HDAC9: variants seen among roughly 807,000 people sequenced by gnomAD.
HDAC9 encodes the protein MEF-2 interacting transcription repressor (MITR) protein.
In HDAC9, 41 loss-of-function variants were observed where a neutral mutation model predicts 139.4. The ratio of observed to expected loss-of-function variants is 0.29; its 90% CI spans 0.23 to 0.38. HDAC9 has a LOEUF of 0.38. Among genes scored for constraint, HDAC9 ranks in the 10% least tolerant of loss-of-function variants. HDAC9 has a pLI of 1.00. For missense variants in HDAC9, 1,147 were observed against 1,297.0 expected (o/e 0.88, Z 1.78); for synonymous variants, 517 against 476.2 (o/e 1.09, Z -1.12).
chr7:18,860,222 T>C (rs963984690), intron 21 of HDAC9, among the ~76,000 whole-genome samples: 2 of 152,156 alleles, frequency 1.3e-5, no homozygotes, highest in East Asian at 1.9e-4. Flanking sequence ...ATTGTCCCTC[T>C]GGAGGGGAAA....
At chr7:18,663,277 G>T (rs571214828) in intron 11 of HDAC9, among the ~76,000 whole-genome samples, 16 of 152,176 alleles carry the variant, frequency 1.1e-4, no homozygotes, top group African/African-American at 3.6e-4. Context: ...ACCATTGGAG[G>T]TTAGGAGGTT....
chr7:18,514,441 A>G (rs1182597423), intron 2 of HDAC9, among the ~76,000 whole-genome samples: 1 of 152,222 alleles, frequency 6.6e-6, no homozygotes, highest in African/African-American at 2.4e-5. Flanking sequence ...AGGTCAATTT[A>G]AAATTGTATT....
At chr7:18,576,219 A>G (rs1980368) in intron 2 of HDAC9, among the ~76,000 whole-genome samples, 14,429 of 152,118 alleles carry the variant, frequency 0.095, 1,712 homozygotes, top group African/African-American at 0.28. Flanking sequence ...TTGAGGCTGG[A>G]AATATACAGA....
chr7:18,961,565 T>G (rs552047862), intron 24 of HDAC9, among the ~76,000 whole-genome samples: 5 of 152,314 alleles, frequency 3.3e-5, no homozygotes, highest in African/African-American at 7.2e-5. Context: ...ATATACATTT[T>G]CACTGTATTG....
chr7:18,223,707 GTTTA>G (rs1056018789), intron 2 of HDAC9, among the ~76,000 whole-genome samples: 2 of 151,760 alleles, frequency 1.3e-5, no homozygotes, highest in Admixed American at 6.6e-5. Context: ...ATTTTATACT[GTTTA>G]TTTATATATG....
At chr7:18,096,048 A>G (rs914390957) in intron 1 of HDAC9, among the ~76,000 whole-genome samples, 2 of 152,204 alleles carry the variant, frequency 1.3e-5, no homozygotes. Context: ...TTAATGAGGT[A>G]TCACCTGAGA....
intron 2 of HDAC9, among the ~76,000 whole-genome samples, chr7:18,515,086 T>G (rs1296454319): frequency 6.6e-6 from 1 of 152,220 alleles, no homozygotes; most frequent in Non-Finnish European, 1.5e-5. Context: ...GGTTAAAATT[T>G]AAAAACAGAA....
intron 12 of HDAC9, among the ~76,000 whole-genome samples, chr7:18,706,429 AC>A (rs1584883366): frequency 1.3e-5 from 2 of 152,296 alleles, no homozygotes; most frequent in East Asian, 3.9e-4. Flanking sequence ...TCATAAAACA[AC>A]AAGCTGTTCC....
At chr7:18,477,169 C>T (rs1051243926) in intron 1 of HDAC9, among the ~76,000 whole-genome samples, 3 of 152,120 alleles carry the variant, frequency 2.0e-5, no homozygotes, top group African/African-American at 7.2e-5. Flanking sequence ...TCTGATGAAT[C>T]CTTCATTAAA....
At chr7:18,427,559 A>T (rs990089432) in intron 1 of HDAC9, among the ~76,000 whole-genome samples, 3 of 151,684 alleles carry the variant, frequency 2.0e-5, no homozygotes, top group African/African-American at 7.3e-5. Context: ...CTCCACCTCT[A>T]CCATAATCCT....
intron 1 of HDAC9, among the ~76,000 whole-genome samples, chr7:18,355,280 G>A (rs1385792822): frequency 6.6e-6 from 1 of 151,600 alleles, no homozygotes; most frequent in Admixed American, 6.6e-5. Flanking sequence ...TCAAGAGCTG[G>A]ATTTTTACCA....
intron 16 of HDAC9, among the ~76,000 whole-genome samples, chr7:18,772,289 C>G (rs184702374): frequency 3.9e-5 from 6 of 152,064 alleles, no homozygotes; most frequent in African/African-American, 1.2e-4. Context: ...GACAATTGCA[C>G]CAAGCTGTTG....
At chr7:18,739,126 C>G (rs1787205086) in intron 13 of HDAC9, among the ~76,000 whole-genome samples, 1 of 152,164 alleles carries the variant, frequency 6.6e-6, no homozygotes, top group Non-Finnish European at 1.5e-5. Flanking sequence ...CATTTCAGGT[C>G]TTCTCTACAC....
intron 23 of HDAC9, among the ~76,000 whole-genome samples, chr7:18,944,336 A>AG (rs1782224373): frequency 6.6e-6 from 1 of 152,172 alleles, no homozygotes; most frequent in Non-Finnish European, 1.5e-5. Flanking sequence ...TGCATGTTGC[A>AG]GGGGGACTTT....
chr7:18,626,243 A>G (rs1841679602), intron 6 of HDAC9, among the ~76,000 whole-genome samples: 1 of 152,136 alleles, frequency 6.6e-6, no homozygotes. Context: ...AGACATAGCC[A>G]TGGCCAGTTA....
chr7:18,514,524 G>T (rs1349854118), intron 2 of HDAC9, among the ~76,000 whole-genome samples: 2 of 152,170 alleles, frequency 1.3e-5, no homozygotes, highest in Admixed American at 1.3e-4. Context: ...AGAGATGATT[G>T]TAAAAATGCA....
chr7:18,755,676 A>G (rs1476972205), intron 14 of HDAC9, among the ~76,000 whole-genome samples: 1 of 152,120 alleles, frequency 6.6e-6, no homozygotes, highest in Non-Finnish European at 1.5e-5. Flanking sequence ...TCTGGTGAGG[A>G]CAGTGATTTG....
intron 17 of HDAC9, among the ~76,000 whole-genome samples, chr7:18,811,048 G>A (rs1439611399): frequency 1.3e-5 from 2 of 151,756 alleles, no homozygotes; most frequent in Non-Finnish European, 3.0e-5. Context: ...ATAAGAAAAT[G>A]ACAAACTATT....
At chr7:18,872,516 T>G (rs1799004546) in intron 21 of HDAC9, among the ~76,000 whole-genome samples, 1 of 152,146 alleles carries the variant, frequency 6.6e-6, no homozygotes, top group South Asian at 2.1e-4. Flanking sequence ...TGACCACTGA[T>G]TCACGGTAGC....
Sources: allele counts gnomAD v4.1 joint callset (sites outside exome capture counted in the v4.1 genomes callset), GRCh38; gene constraint gnomAD v4.1.1; transcripts MANE v1.5; gene names NCBI Gene and HGNC (gene_info 2026-07-23, HGNC 2026-07-21).